The following SNTG1 variants were observed in gnomAD, a reference collection of about 807,000 sequenced individuals.
SNTG1 encodes the protein gamma-1-syntrophin.
A neutral mutation model predicts 74.7 loss-of-function variants in SNTG1; 39 were observed. The ratio of observed to expected loss-of-function variants is 0.52; its 90% CI spans 0.40 to 0.68. The LOEUF (loss-of-function observed/expected upper bound fraction) is 0.68. Ranked by LOEUF, SNTG1 falls within the 30% of genes least tolerant of loss-of-function variation. SNTG1 has a pLI of 0.00. For missense variants in SNTG1, 685 were observed against 609.5 expected, an observed-to-expected ratio of 1.12 and a Z score of -1.30; for synonymous variants, 254 against 217.1, an observed-to-expected ratio of 1.17 and a Z score of -1.49.
intron 8 of SNTG1, among the ~76,000 whole-genome samples, chr8:50,471,558 T>C (rs1407870278): frequency 3.3e-5 from 5 of 152,134 alleles, no homozygotes; most frequent in Non-Finnish European, 5.9e-5. Context: ...AGTTTGACAA[T>C]TTGCTACCAA....
At chr8:50,440,158 A>T (rs1316796949) in intron 5 of SNTG1, among the ~76,000 whole-genome samples, 1 of 151,830 alleles carries the variant, frequency 6.6e-6, no homozygotes, top group African/African-American at 2.4e-5. Context: ...ATTATTGACC[A>T]AAAAGTGGTA....
intron 4 of SNTG1, among the ~76,000 whole-genome samples, chr8:50,432,397 G>T (rs2093247986): frequency 6.6e-6 from 1 of 151,418 alleles, no homozygotes; most frequent in Non-Finnish European, 1.5e-5. Context: ...TGTCAAAAAT[G>T]CCATGTTGTG....
At chr8:50,691,077 CT>C (rs1332049719) in intron 15 of SNTG1, among the ~76,000 whole-genome samples, 3 of 152,138 alleles carry the variant, frequency 2.0e-5, no homozygotes, top group South Asian at 4.2e-4. Context: ...CAACCCCTGC[CT>C]TTTTTTGTTT....
chr8:50,349,067 G>T (rs532110692), intron 2 of SNTG1, among the ~76,000 whole-genome samples: 1 of 152,142 alleles, frequency 6.6e-6, no homozygotes, highest in Non-Finnish European at 1.5e-5. Flanking sequence ...ACATTAAGAG[G>T]TTTACTGGCC....
intron 1 of SNTG1, among the ~76,000 whole-genome samples, chr8:49,928,224 GT>G (rs1226680694): frequency 5.3e-4 from 24 of 45,436 alleles, no homozygotes; most frequent in Middle Eastern, 8.1e-3. Flanking sequence ...TGTCCATGCA[GT>G]TTTTTTGTTT....
chr8:50,713,353 GT>G (rs1324195620), intron 17 of SNTG1, among the ~76,000 whole-genome samples: 8 of 152,084 alleles, frequency 5.3e-5, no homozygotes, highest in African/African-American at 1.7e-4. Flanking sequence ...GGGGTTGTTT[GT>G]TTTTTTCTCT....
At chr8:50,348,010 G>C (rs2130979890) in intron 2 of SNTG1, among the ~76,000 whole-genome samples, 1 of 152,178 alleles carries the variant, frequency 6.6e-6, no homozygotes, top group South Asian at 2.1e-4. Flanking sequence ...CTGTAAGGTT[G>C]AGATCTATAG....
chr8:50,210,312 T>C (rs541870854), intron 2 of SNTG1, among the ~76,000 whole-genome samples: 61 of 152,312 alleles, frequency 4.0e-4, no homozygotes, highest in African/African-American at 1.4e-3. Flanking sequence ...CTTCAGGATA[T>C]TATCCAGGAG....
chr8:50,466,783 G>A (rs769401437), intron 8 of SNTG1, among the ~76,000 whole-genome samples: 1 of 151,862 alleles, frequency 6.6e-6, no homozygotes, highest in African/African-American at 2.4e-5. Flanking sequence ...CAATTATTTG[G>A]TGTTATTGTA....
chr8:50,792,898 C>A lies in SNTG1; in HGVS notation c.*69C>A. ...GGACACATTTACTCATCATTTTAGA[C>A]CCTAGAGAAACCATAACATCACCAA... On this transcript the variant is annotated 3_prime_UTR_variant, in exon 19 of 19. Coordinates refer to ENST00000642720, the MANE Select transcript of SNTG1 (RefSeq NM_018967.5). The A allele has an allele frequency of 1.4e-6, 2 of 1,451,718 alleles. No homozygotes were observed. The highest frequency in any genetic ancestry group is 9.1e-7 in the Non-Finnish European group (1 of 1,093,454). 89.9% of individuals were successfully genotyped at this position (1,451,718 alleles called of 1,614,324 possible).
In SNTG1 at chr8:50,552,911, A is replaced by G. The variant is rs1188004846; in HGVS notation, c.681-139A>G. The stretch of plus-strand genomic sequence containing the variant: ...TTTCATTTAAAACAGAGATGCTTAT[A>G]AAGTCAGGTAACCAAATATGAATTT... On this transcript the variant is annotated intron_variant, in intron 11 of 18. Transcript: ENST00000642720. 4.0e-6 allele frequency: 4 copies of G among 991,704 alleles called. No individual in the cohort carries two copies. In the Admixed American group the frequency reaches 1.2e-4, roughly 29 times the overall value. 61.4% of individuals were successfully genotyped at this position (991,704 alleles called of 1,614,324 possible). A position where few individuals can be genotyped will look rare whatever the true frequency, so the allele number is the denominator to read the frequency against.
At chr8:50,581,140 C>T (rs1160813498) in intron 12 of SNTG1, among the ~76,000 whole-genome samples, 1 of 152,108 alleles carries the variant, frequency 6.6e-6, no homozygotes, top group Non-Finnish European at 1.5e-5. Context: ...TCTTAATCAT[C>T]CATCTTATCA....
intron 13 of SNTG1, among the ~76,000 whole-genome samples, chr8:50,639,433 G>C (rs746494447): frequency 6.6e-6 from 1 of 151,730 alleles, no homozygotes; most frequent in Admixed American, 6.6e-5. Context: ...CTATGAACTT[G>C]TTTAGGAGAA....
At chr8:50,671,939 C>T (rs1340571257) in intron 15 of SNTG1, among the ~76,000 whole-genome samples, 1 of 148,574 alleles carries the variant, frequency 6.7e-6, no homozygotes, top group Non-Finnish European at 1.5e-5. Context: ...TAAACTATCG[C>T]AAGGACAAAA....
intron 1 of SNTG1, among the ~76,000 whole-genome samples, chr8:50,056,409 C>T (rs957290760): frequency 1.3e-5 from 2 of 152,074 alleles, no homozygotes; most frequent in African/African-American, 2.4e-5. Flanking sequence ...GCTATGGAAA[C>T]ATTTCTTTTA....
intron 1 of SNTG1, among the ~76,000 whole-genome samples, chr8:49,962,678 C>T (rs984269623): frequency 1.3e-5 from 2 of 152,132 alleles, no homozygotes; most frequent in Non-Finnish European, 2.9e-5. Flanking sequence ...TCACTGCAAC[C>T]TCTTCCTCCC....
chr8:50,115,362 T>A (rs1217707265), intron 1 of SNTG1, among the ~76,000 whole-genome samples: 1 of 149,600 alleles, frequency 6.7e-6, no homozygotes, highest in East Asian at 2.0e-4. Context: ...AGGTCAGGAG[T>A]TCAAGATCAG....
intron 18 of SNTG1, among the ~76,000 whole-genome samples, chr8:50,760,082 A>G (rs555949819): frequency 3.2e-4 from 48 of 152,100 alleles, no homozygotes; most frequent in African/African-American, 1.2e-3. Flanking sequence ...TTGTATGCCT[A>G]GTTGTTTTAT....
At position 50,219,099 on chromosome 8, in the gene SNTG1, G is replaced by A. The variant is rs539419448; in HGVS notation, c.-28+46464G>A. On this transcript the variant is annotated intron_variant, in intron 2 of 18. Coordinates refer to ENST00000642720, the MANE Select transcript of SNTG1 (RefSeq NM_018967.5). ...AAGAAAGTAACCAAAGAATGAGACA[G>A]TGGGGAAACTTTGATGTTTTGGCTT... is the stretch of plus-strand genomic sequence containing the variant. 4.6e-5 allele frequency among the ~76,000 whole-genome samples: 7 copies of A among 152,334 alleles called. No homozygotes were observed. The East Asian group carries it at 1.4e-3, about 29-fold the overall frequency.
Sources: gnomAD v4.1 joint callset for allele counts (sites outside exome capture counted in the v4.1 genomes callset) on GRCh38, gnomAD v4.1.1 for gene constraint, MANE v1.5 for transcripts, NCBI Gene and HGNC (gene_info 2026-07-23, HGNC 2026-07-21) for gene names.